Variants in JARID2 observed in about 807,000 individuals in gnomAD.
The protein encoded by JARID2 is jumonji and AT-rich interaction domain containing 2.
Under a neutral mutation model 125.6 loss-of-function variants are expected in JARID2, and 21 were observed. The ratio of observed to expected loss-of-function variants is 0.17; its 90% CI spans 0.12 to 0.24. JARID2 has a LOEUF of 0.24. Among genes scored for constraint, JARID2 ranks in the 10% least tolerant of loss-of-function variants. The pLI, the probability that JARID2 is intolerant of heterozygous loss-of-function variation, is 1.00. For synonymous variants in JARID2, 736 were observed against 661.6 expected, an observed-to-expected ratio of 1.11 and a Z score of -1.73; for missense variants, 1,303 against 1,639.6, an observed-to-expected ratio of 0.79 and a Z score of 3.55.
At chr6:15,498,836 G>A (rs570104144) in intron 7 of JARID2, among the ~76,000 whole-genome samples, 1 of 152,298 alleles carries the variant, frequency 6.6e-6, no homozygotes, top group South Asian at 2.1e-4. Flanking sequence ...CGCTGACCAC[G>A]CCCCATGACT....
At chr6:15,382,465 G>C (rs766841464) in intron 2 of JARID2, among the ~76,000 whole-genome samples, 2 of 152,124 alleles carry the variant, frequency 1.3e-5, no homozygotes, top group Non-Finnish European at 2.9e-5. Context: ...CTGGTCTGTT[G>C]GTGTCATAAT....
At chr6:15,279,638 T>C (rs1760675820) in intron 1 of JARID2, among the ~76,000 whole-genome samples, 1 of 152,250 alleles carries the variant, frequency 6.6e-6, no homozygotes, top group Non-Finnish European at 1.5e-5. Flanking sequence ...AGCACAACTT[T>C]CTTGTACTTC....
chr6:15,413,008 GTT>G lies in JARID2; in HGVS notation c.323+2656_323+2657del, dbSNP rs1041543140. 6.3e-5 allele frequency among the ~76,000 whole-genome samples: 3 copies of G among 47,500 alleles called. 1 individual carries two copies. The South Asian group carries it at 2.0e-3, about 32-fold the overall frequency. The allele number at this position is 47,500 out of a possible 152,430, so 31.2% of individuals were successfully genotyped here. ...ATACATGGGAAGAGCTTGTGTTTTT[GTT>G]TTTTTTTTTTTTGTTTTTTTTTTTT... On this transcript the variant is annotated intron_variant, in intron 3 of 17. Transcript: ENST00000341776.
intron 1 of JARID2, among the ~76,000 whole-genome samples, chr6:15,352,833 C>G (rs1390397671): frequency 1.3e-5 from 2 of 152,148 alleles, no homozygotes; most frequent in Admixed American, 1.3e-4. Flanking sequence ...CATAGCATAG[C>G]GCCACGAGGT....
intron 3 of JARID2, among the ~76,000 whole-genome samples, chr6:15,411,047 C>G (rs1381216072): frequency 6.6e-6 from 1 of 152,152 alleles, no homozygotes; most frequent in East Asian, 1.9e-4. Flanking sequence ...AGTATCTACC[C>G]TACTTCATAC....
At position 15,521,901 on chromosome 6, in the gene JARID2, TTA is replaced by T. The variant is rs1491224217; in HGVS notation, c.*1652_*1653del. 1 of 152,230 alleles carries T rather than the reference TTA, an allele frequency of 6.6e-6. No homozygotes were observed. The highest frequency in any genetic ancestry group is 1.5e-5 in the Non-Finnish European group (1 of 68,046). The allele number at this position is 152,230 out of a possible 1,614,324, so 9.4% of individuals were successfully genotyped here. On this transcript the variant is annotated 3_prime_UTR_variant, in exon 18 of 18. Transcript: ENST00000341776. Reference sequence around the variant, plus strand: ...TATGGCTTACAGTTTGACATTTAATTTATTAGCGCTGCTCTGCACCCCTCCCT... The same window carrying T: ...TATGGCTTACAGTTTGACATTTAATTTTAGCGCTGCTCTGCACCCCTCCCT...
chr6:15,520,055 T>C lies in JARID2; in HGVS notation c.3559-14T>C, dbSNP rs1254879575. On this transcript the variant is annotated splice_polypyrimidine_tract_variant and intron_variant, in intron 17 of 17. Transcript: ENST00000341776. ...ACGGTATGTTAACTGTGTCTTCCTTTCACCCCCAAACAGGAACAGATTATC... is the reference window on the plus strand; with the variant it reads ...ACGGTATGTTAACTGTGTCTTCCTTCCACCCCCAAACAGGAACAGATTATC... 1 of 1,605,982 alleles carries C rather than the reference T, an allele frequency of 6.2e-7. No individual in the cohort carries two copies. The highest frequency in any genetic ancestry group is 1.1e-5 in the South Asian group (1 of 89,994).
chr6:15,459,993 T>C (rs1768368105), intron 4 of JARID2, among the ~76,000 whole-genome samples: 1 of 152,182 alleles, frequency 6.6e-6, no homozygotes, highest in African/African-American at 2.4e-5. Flanking sequence ...TTTTTGAGGG[T>C]CTCTGGGAGT....
At chr6:15,251,483 C>A (rs1759451490) in intron 1 of JARID2, among the ~76,000 whole-genome samples, 1 of 152,228 alleles carries the variant, frequency 6.6e-6, no homozygotes, top group Non-Finnish European at 1.5e-5. Context: ...CACCTTTTGT[C>A]TACCCATCCT....
At chr6:15,277,778 CAA>C (rs541398012) in intron 1 of JARID2, among the ~76,000 whole-genome samples, 24 of 83,778 alleles carry the variant, frequency 2.9e-4, no homozygotes, top group South Asian at 1.8e-3. Flanking sequence ...GCCAAGTCTG[CAA>C]AAAAAAAAAA....
chr6:15,281,671 A>G (rs574438225), intron 1 of JARID2, among the ~76,000 whole-genome samples: 30 of 152,254 alleles, frequency 2.0e-4, no homozygotes, highest in Middle Eastern at 3.4e-3. Flanking sequence ...CAATATCTCA[A>G]AGATCTTTCC....
intron 2 of JARID2, among the ~76,000 whole-genome samples, chr6:15,389,717 T>A (rs1425327379): frequency 6.6e-6 from 1 of 152,232 alleles, no homozygotes; most frequent in Admixed American, 6.5e-5. Context: ...GAACTCTTTT[T>A]ATAAATGGAG....
At chr6:15,491,250 C>T (rs1038124218) in intron 6 of JARID2, among the ~76,000 whole-genome samples, 1 of 152,176 alleles carries the variant, frequency 6.6e-6, no homozygotes. Context: ...GTTACATTGC[C>T]TTCAGTGGGA....
chr6:15,302,358 T>C (rs1369369767), intron 1 of JARID2, among the ~76,000 whole-genome samples: 1 of 151,738 alleles, frequency 6.6e-6, no homozygotes, highest in African/African-American at 2.4e-5. Context: ...GGAGTTGCAG[T>C]GAGCTGAGAT....
chr6:15,433,224 G>C (rs1047120095), intron 3 of JARID2, among the ~76,000 whole-genome samples: 1 of 152,200 alleles, frequency 6.6e-6, no homozygotes, highest in Non-Finnish European at 1.5e-5. Flanking sequence ...TTAGGGCCAG[G>C]TAGCCCCATT....
chr6:15,372,772 C>T (rs991408021), intron 1 of JARID2, among the ~76,000 whole-genome samples: 1 of 151,704 alleles, frequency 6.6e-6, no homozygotes, highest in Non-Finnish European at 1.5e-5. Flanking sequence ...TGAAGTGGCA[C>T]GATCTCAGCT....
rs117755693 is a variant in JARID2, at chr6:15,267,678, A to G, written c.45+21094A>G. On this transcript the variant is annotated intron_variant, in intron 1 of 17. Coordinates refer to ENST00000341776, the MANE Select transcript of JARID2 (RefSeq NM_004973.4). ...AAGTCCGGTGTGACGCGCGAACTCAATGGTTGCGTTCCCGAGGACCTTATG... is the reference window on the plus strand; with the variant it reads ...AAGTCCGGTGTGACGCGCGAACTCAGTGGTTGCGTTCCCGAGGACCTTATG... 8.5e-5 allele frequency among the ~76,000 whole-genome samples: 13 copies of G among 152,180 alleles called. No individual in the cohort carries two copies. In the East Asian group the frequency reaches 2.5e-3, roughly 29 times the overall value.
intron 3 of JARID2, among the ~76,000 whole-genome samples, chr6:15,430,719 G>T (rs556758293): frequency 1.3e-5 from 2 of 152,258 alleles, no homozygotes; most frequent in South Asian, 4.1e-4. Flanking sequence ...TGTGGGACTT[G>T]TGGGGCATGC....
At chr6:15,357,814 A>G (rs1763657129) in intron 1 of JARID2, among the ~76,000 whole-genome samples, 1 of 152,186 alleles carries the variant, frequency 6.6e-6, no homozygotes, top group Non-Finnish European at 1.5e-5. Context: ...GGCATGCTGT[A>G]TATCCTTGCA....
Sources: allele counts gnomAD v4.1 joint callset (sites outside exome capture counted in the v4.1 genomes callset), GRCh38; gene constraint gnomAD v4.1.1; transcripts MANE v1.5; gene names NCBI Gene and HGNC (gene_info 2026-07-23, HGNC 2026-07-21).